DNAJC10: variants seen among roughly 807,000 people sequenced by gnomAD.
DNAJC10 encodes the protein DnaJ heat shock protein family (Hsp40) member C10.
Under a neutral mutation model 115.0 loss-of-function variants are expected in DNAJC10, and 101 were observed. The ratio of observed to expected loss-of-function variants is 0.88; its 90% CI spans 0.75 to 1.04. The LOEUF (loss-of-function observed/expected upper bound fraction) is 1.04. DNAJC10 is among the 50% of genes least tolerant of loss of function. DNAJC10 has a pLI of 0.00. For synonymous variants in DNAJC10, 307 were observed against 301.5 expected (o/e 1.02, Z -0.19); for missense variants, 981 against 928.8 (o/e 1.06, Z -0.73).
chr2:182,751,547 A>G lies in DNAJC10; in HGVS notation c.1307-111A>G, dbSNP rs545448697. The G allele has an allele frequency of 2.1e-5, 27 of 1,287,302 alleles. No homozygotes were observed. In the African/African-American group the frequency reaches 3.3e-4, roughly 16 times the overall value. 79.7% of individuals were successfully genotyped at this position (1,287,302 alleles called of 1,614,324 possible). ...GCACACTAAAACCTCACCAAAATCA[A>G]TTTGTTCATAATTTATCTTCTTTAG... On this transcript the variant is annotated intron_variant, in intron 14 of 23. Transcript: ENST00000264065.
At chr2:182,717,364 T>C (rs916105157) in intron 2 of DNAJC10, among the ~76,000 whole-genome samples, 41 of 152,236 alleles carry the variant, frequency 2.7e-4, no homozygotes, top group Non-Finnish European at 4.4e-5. Context: ...AAATGGCCTC[T>C]ACTTAAATTC....
Position 182,718,335 on chromosome 2 carries a change from T to C in DNAJC10, c.204+45T>C, listed in dbSNP as rs565561600. The C allele has an allele frequency of 1.1e-5, 15 of 1,422,798 alleles. 1 individual carries two copies. The East Asian group carries it at 3.1e-4, about 29-fold the overall frequency. The allele number at this position is 1,422,798 out of a possible 1,614,324, so 88.1% of individuals were successfully genotyped here. On this transcript the variant is annotated intron_variant, in intron 3 of 23. Transcript: ENST00000264065. ...TAAAAATATTTGATTATATTTTTGG[T>C]ACATTTTGATATTTATTTAAATTGC...
chr2:182,737,389 T>C (rs1490848749), intron 11 of DNAJC10, among the ~76,000 whole-genome samples: 1 of 152,200 alleles, frequency 6.6e-6, no homozygotes, highest in African/African-American at 2.4e-5. Context: ...AATTCATATA[T>C]GGCACAGAGC....
intron 22 of DNAJC10, among the ~76,000 whole-genome samples, chr2:182,768,291 TGA>T (rs1193104164): frequency 6.6e-6 from 1 of 152,168 alleles, no homozygotes; most frequent in Non-Finnish European, 1.5e-5. Flanking sequence ...TCAGAATAGC[TGA>T]GAGATGGGTG....
chr2:182,735,727 A>G (rs1351566085), intron 10 of DNAJC10, among the ~76,000 whole-genome samples: 1 of 152,100 alleles, frequency 6.6e-6, no homozygotes, highest in East Asian at 1.9e-4. Context: ...GTTATGAGAA[A>G]TGTACTTTTC....
intron 14 of DNAJC10, among the ~76,000 whole-genome samples, chr2:182,745,757 C>G (rs1388205155): frequency 6.8e-6 from 1 of 147,834 alleles, no homozygotes; most frequent in Non-Finnish European, 1.5e-5. Flanking sequence ...TATTATTATA[C>G]TTCAAGTTTT....
In DNAJC10 at chr2:182,743,739, A is replaced by G. The variant is rs749218477; in HGVS notation, c.1306+27A>G. 4.1e-6 allele frequency: 6 copies of G among 1,469,226 alleles called. No individual in the cohort carries two copies. In the South Asian group the frequency reaches 6.0e-5, roughly 15 times the overall value. 91.0% of individuals were successfully genotyped at this position (1,469,226 alleles called of 1,614,324 possible). A position where few individuals can be genotyped will look rare whatever the true frequency, so the allele number is the denominator to read the frequency against. On this transcript the variant is annotated intron_variant, in intron 14 of 23. Transcript: ENST00000264065. Reference sequence around the variant, plus strand: ...TAAGAATGGAAAAAAATGATAAAAAAAAACTTAGCTTCATTTTCAAATAGA... The same window carrying G: ...TAAGAATGGAAAAAAATGATAAAAAGAAACTTAGCTTCATTTTCAAATAGA...
At position 182,720,833 on chromosome 2, in the gene DNAJC10, C is replaced by T. The variant is rs117270978; in HGVS notation, c.367+664C>T. 1.5e-3 allele frequency among the ~76,000 whole-genome samples: 234 copies of T among 152,128 alleles called. 2 individuals carry two copies. The highest frequency in any genetic ancestry group is 9.5e-3 in the East Asian group (49 of 5,184). On this transcript the variant is annotated intron_variant, in intron 4 of 23. Coordinates refer to ENST00000264065, the MANE Select transcript of DNAJC10 (RefSeq NM_018981.4). ...AGAGCATCATATTGTCCAAGAAAGG[C>T]GAAACTTCAAGTTTAGTAATGATCT...
Position 182,784,410 on chromosome 2 carries a change from A to T in DNAJC10, c.*7278A>T, listed in dbSNP as rs1390025812. On this transcript the variant is annotated 3_prime_UTR_variant, in exon 24 of 24. Coordinates refer to ENST00000264065, the MANE Select transcript of DNAJC10 (RefSeq NM_018981.4). ...TCCCCACACAAACACACACAGCCAT[A>T]TTGTCATCTCTGAAGACAGCAGCCA... is the stretch of plus-strand genomic sequence containing the variant. 6.6e-6 allele frequency: 1 copy of T among 152,120 alleles called. No individual in the cohort carries two copies. The highest frequency in any genetic ancestry group is 1.5e-5 in the Non-Finnish European group (1 of 68,014). The allele number at this position is 152,120 out of a possible 1,614,324, so 9.4% of individuals were successfully genotyped here. A position where few individuals can be genotyped will look rare whatever the true frequency, so the allele number is the denominator to read the frequency against.
chr2:182,742,451 A>G (rs912995400), intron 13 of DNAJC10, among the ~76,000 whole-genome samples: 3 of 152,112 alleles, frequency 2.0e-5, no homozygotes, highest in Non-Finnish European at 2.9e-5. Context: ...CAGCCTCCCA[A>G]AGTGCTGGGA....
chr2:182,761,674 A>G (rs1694288922), intron 21 of DNAJC10, among the ~76,000 whole-genome samples: 1 of 152,104 alleles, frequency 6.6e-6, no homozygotes, highest in African/African-American at 2.4e-5. Context: ...TAGAACGAGG[A>G]AAAGTGGGTT....
At chr2:182,742,662 C>T (rs924559746) in intron 13 of DNAJC10, among the ~76,000 whole-genome samples, 11 of 152,102 alleles carry the variant, frequency 7.2e-5, no homozygotes, top group Non-Finnish European at 1.2e-4. Context: ...TTCACAATTC[C>T]GATAGGCCAC....
At chr2:182,760,059 A>G (rs887640645) in intron 21 of DNAJC10, among the ~76,000 whole-genome samples, 45 of 152,148 alleles carry the variant, frequency 3.0e-4, no homozygotes, top group Non-Finnish European at 6.2e-4. Context: ...GCATACATTG[A>G]CTTCAGGTGT....
chr2:182,748,299 G>T (rs1693923208), intron 14 of DNAJC10, among the ~76,000 whole-genome samples: 1 of 152,168 alleles, frequency 6.6e-6, no homozygotes, highest in Non-Finnish European at 1.5e-5. Flanking sequence ...AGTTTCAGAA[G>T]GAATGGTACC....
chr2:182,759,328 A>G (rs1574949133), intron 21 of DNAJC10, 21 bp downstream of exon 21: 9 of 1,592,932 alleles, frequency 5.6e-6, no homozygotes, highest in Non-Finnish European at 7.7e-6. Context: ...CCTGTCTTAA[A>G]TAAGTTGTAG....
intron 22 of DNAJC10, among the ~76,000 whole-genome samples, chr2:182,768,812 G>A (rs1694482502): frequency 6.6e-6 from 1 of 151,940 alleles, no homozygotes; most frequent in African/African-American, 2.4e-5. Context: ...CGGTCCTCTG[G>A]GAACATCTTT....
rs1695067304 is a variant in DNAJC10 at position 182,792,361 on chromosome 2, A to G, written c.*15229A>G. The G allele has an allele frequency of 6.6e-6, 1 of 152,180 alleles. No homozygotes were observed. Among genetic ancestry groups the G allele is most frequent in the Admixed American group, 6.5e-5 (1 of 15,274 alleles). The allele number at this position is 152,180 out of a possible 1,614,324, so 9.4% of individuals were successfully genotyped here. On this transcript the variant is annotated 3_prime_UTR_variant, in exon 24 of 24. Transcript: ENST00000264065. The stretch of plus-strand genomic sequence containing the variant: ...AACAGGATAACATTTTGAGGTACAA[A>G]AAATAATGAAGAGGATATATTCCAA...
intron 11 of DNAJC10, 110 bp downstream of exon 11, chr2:182,736,496 T>C (rs1693588627): frequency 2.8e-6 from 2 of 714,932 alleles, no homozygotes; most frequent in Non-Finnish European, 4.0e-6. Flanking sequence ...TTATATTGTC[T>C]GATTGTGGAA....
chr2:182,770,885 T>C (rs562384943), intron 22 of DNAJC10, among the ~76,000 whole-genome samples: 230 of 152,282 alleles, frequency 1.5e-3, no homozygotes, highest in South Asian at 3.3e-3. Flanking sequence ...TGTATTGTGC[T>C]GGTTTTCAAA....
Sources: gnomAD v4.1 joint callset for allele counts (sites outside exome capture counted in the v4.1 genomes callset) on GRCh38, gnomAD v4.1.1 for gene constraint, MANE v1.5 for transcripts, NCBI Gene and HGNC (gene_info 2026-07-23, HGNC 2026-07-21) for gene names.